The following MYCBP2 variants were observed in gnomAD, a reference collection of about 807,000 sequenced individuals.
The protein encoded by MYCBP2 is MYC binding protein 2.
A neutral mutation model predicts 525.3 loss-of-function variants in MYCBP2; 120 were observed. That is an observed-to-expected ratio of 0.23 (90% CI 0.20 to 0.27). MYCBP2 has a LOEUF of 0.27. MYCBP2 is among the 10% of genes least tolerant of loss of function. MYCBP2 has a pLI of 1.00. For synonymous variants in MYCBP2, 1,894 were observed against 1,955.8 expected, an observed-to-expected ratio of 0.97 and a Z score of 0.83; for missense variants, 4,149 against 5,657.1, an observed-to-expected ratio of 0.73 and a Z score of 8.55.
chr13:77,142,293 T>A (rs956498304), intron 49 of MYCBP2, among the ~76,000 whole-genome samples: 4 of 152,188 alleles, frequency 2.6e-5, no homozygotes, highest in African/African-American at 9.6e-5. Flanking sequence ...TTGACAGGAA[T>A]TGTCTTACCC....
intron 70 of MYCBP2, 151 bp downstream of exon 70, chr13:77,068,414 A>AAAAAAAAAAAAAAAAAAAAAAG: frequency 1.2e-6 from 1 of 844,678 alleles, no homozygotes; most frequent in Non-Finnish European, 1.8e-6. Context: ...ACAGTAAAAA[A>AAAAAAAAAAAAAAAAAAAAAAG]GGGAGTAAAA....
At chr13:77,056,099 G>GGTGTGTGT (rs56952443) in intron 79 of MYCBP2, among the ~76,000 whole-genome samples, 4,045 of 120,460 alleles carry the variant, frequency 0.034, 119 homozygotes, top group Admixed American at 0.041. Context: ...CTCTGTGTTT[G>GGTGTGTGT]GTGTGTGTGT....
chr13:77,070,814 A>G, intron 68 of MYCBP2, 103 bp from the exon 69 acceptor site: 1 of 641,318 alleles, frequency 1.6e-6, no homozygotes. Flanking sequence ...AATTTTGTGT[A>G]TATATTTTTA....
chr13:77,158,214 C>G (rs1186064303), intron 44 of MYCBP2, 105 bp from the exon 45 acceptor site: 1 of 622,964 alleles, frequency 1.6e-6, no homozygotes, highest in Non-Finnish European at 2.4e-6. Context: ...ACGGAGAAAT[C>G]ATTTTCTCCA....
intron 44 of MYCBP2, among the ~76,000 whole-genome samples, chr13:77,159,169 C>T (rs1321237431): frequency 6.6e-6 from 1 of 152,096 alleles, no homozygotes; most frequent in Non-Finnish European, 1.5e-5. Context: ...AAATTATTTG[C>T]TGTGTGCTCT....
chr13:77,214,339 C>G (rs1271863657), intron 21 of MYCBP2, among the ~76,000 whole-genome samples: 1 of 152,080 alleles, frequency 6.6e-6, no homozygotes, highest in African/African-American at 2.4e-5. Context: ...ACACCTCTAA[C>G]AATATTCACT....
chr13:77,263,121 G>T (rs1391801774), intron 10 of MYCBP2, among the ~76,000 whole-genome samples: 1 of 151,872 alleles, frequency 6.6e-6, no homozygotes, highest in African/African-American at 2.4e-5. Context: ...ATACTCTGTG[G>T]TTATCTGTAT....
At chr13:77,125,573 T>A (rs551049190) in intron 53 of MYCBP2, 105 bp from the exon 54 acceptor site, 2 of 1,195,044 alleles carry the variant, frequency 1.7e-6, no homozygotes, top group East Asian at 5.2e-5. Context: ...ATCATTCCAA[T>A]ACATTTCTAC....
At chr13:77,049,454 A>G (rs1356060734) in intron 82 of MYCBP2, among the ~76,000 whole-genome samples, 2 of 152,226 alleles carry the variant, frequency 1.3e-5, no homozygotes, top group Non-Finnish European at 2.9e-5. Flanking sequence ...TAAAAATGAT[A>G]ACACAATTGG....
At chr13:77,255,772 T>C (rs560007645) in intron 14 of MYCBP2, among the ~76,000 whole-genome samples, 2 of 151,922 alleles carry the variant, frequency 1.3e-5, no homozygotes, top group African/African-American at 4.8e-5. Context: ...GAATGGTGGG[T>C]TTCTGAGATC....
Position 77,067,714 on chromosome 13 carries a change from T to G in MYCBP2, c.12322A>C (p.Met4108Leu), listed in dbSNP as rs2040442624. ...GCTTTGGCAATGCATCCTAGAAACA[T>G]GTCCAAGATACCCAGCTTATTCCAG... ...GDWNKLGILD[M>L]FLGCIAKALT... The change falls in exon 71 of 83, where the codon ATG becomes CTG. Residue 4108 changes from methionine (M) to leucine (L), a missense_variant. Coordinates refer to ENST00000544440, the MANE Select transcript of MYCBP2 (RefSeq NM_015057.5). The G allele has an allele frequency of 6.2e-7, 1 of 1,614,144 alleles. No homozygotes were observed. Among genetic ancestry groups the G allele is most frequent in the East Asian group, 2.2e-5 (1 of 44,876 alleles).
At chr13:77,192,652 T>C (rs1376010334) in intron 27 of MYCBP2, among the ~76,000 whole-genome samples, 1 of 152,196 alleles carries the variant, frequency 6.6e-6, no homozygotes, top group Non-Finnish European at 1.5e-5. Flanking sequence ...CATTAATGCA[T>C]TAAGACAGCT....
chr13:77,081,785 T>A lies in MYCBP2; in HGVS notation c.11193+52A>T. 6.4e-7 allele frequency: 1 copy of A among 1,572,208 alleles called. No homozygotes were observed. The highest frequency in any genetic ancestry group is 8.6e-7 in the Non-Finnish European group (1 of 1,158,942). Reference sequence around the variant, plus strand: ...TATGAATAACTTACAGTTTCTCCTTTGATGTATTATTAACTAACAGGACAA... The same window carrying A: ...TATGAATAACTTACAGTTTCTCCTTAGATGTATTATTAACTAACAGGACAA... On this transcript the variant is annotated intron_variant, in intron 64 of 82. Transcript: ENST00000544440. The surrounding 1 kb of genome is among the most constrained non-coding windows in gnomAD (Gnocchi z 4.6).
intron 54 of MYCBP2, among the ~76,000 whole-genome samples, chr13:77,124,416 G>A (rs188203845): frequency 9.7e-4 from 147 of 152,246 alleles, no homozygotes; most frequent in Non-Finnish European, 1.7e-3. Flanking sequence ...GAATAAAGAT[G>A]CATGTTCTCT....
chr13:77,285,860 AAAGGAAAGGAAAG>A (rs2076686367), intron 3 of MYCBP2, among the ~76,000 whole-genome samples: 1 of 13,006 alleles, frequency 7.7e-5, no homozygotes, highest in Non-Finnish European at 5.0e-4. Context: ...AAAGGAAGGG[AAAGGAAAGGAAAG>A]GAAAGGAAAG....
chr13:77,297,762 T>A (rs143950298), intron 1 of MYCBP2, among the ~76,000 whole-genome samples: 1 of 152,198 alleles, frequency 6.6e-6, no homozygotes, highest in Admixed American at 6.5e-5. Context: ...ATCCTTGACA[T>A]TGCCTTCAGT....
chr13:77,166,976 T>TAC (rs539593054), intron 40 of MYCBP2, among the ~76,000 whole-genome samples: 2,893 of 127,096 alleles, frequency 0.023, 60 homozygotes, highest in African/African-American at 0.069. Context: ...AACACACACA[T>TAC]ACACACACAC....
chr13:77,245,354 C>A (rs2069666686), intron 15 of MYCBP2, among the ~76,000 whole-genome samples: 1 of 152,036 alleles, frequency 6.6e-6, no homozygotes, highest in Non-Finnish European at 1.5e-5. Context: ...TGGAACCAAC[C>A]CAAATGCTCA....
chr13:77,266,455 A>G (rs534247555), intron 8 of MYCBP2, among the ~76,000 whole-genome samples: 1 of 152,232 alleles, frequency 6.6e-6, no homozygotes, highest in East Asian at 1.9e-4. Flanking sequence ...TAAAAAAGCA[A>G]TATGTAGCAT....
Sources: gnomAD v4.1 joint callset for allele counts (sites outside exome capture counted in the v4.1 genomes callset) on GRCh38, gnomAD v4.1.1 for gene constraint, Gnocchi (gnomAD v3.1) non-coding constraint, MANE v1.5 for transcripts, NCBI Gene and HGNC (gene_info 2026-07-23, HGNC 2026-07-21) for gene names.